Variants in TNPO2 observed in about 807,000 individuals in gnomAD.
TNPO2 encodes transportin-2.
In TNPO2, 16 loss-of-function variants were observed where a neutral mutation model predicts 111.1. That is an observed-to-expected ratio of 0.14 (90% CI 0.10 to 0.22). TNPO2 has a LOEUF of 0.22. Ranked by LOEUF, TNPO2 falls within the 10% of genes least tolerant of loss-of-function variation. TNPO2 has a pLI of 1.00. For missense variants in TNPO2, 530 were observed against 1,173.7 expected (o/e 0.45, Z 8.01); for synonymous variants, 481 against 475.8 (o/e 1.01, Z -0.14).
intron 12 of TNPO2, among the ~76,000 whole-genome samples, chr19:12,711,084 CG>C (rs2026013950): frequency 6.6e-6 from 1 of 152,050 alleles, no homozygotes; most frequent in Non-Finnish European, 1.5e-5. Flanking sequence ...TTAGTAGAGA[CG>C]GGGTTTCACT....
chr19:12,711,265 C>T (rs2026026539), intron 12 of TNPO2, 31 bp downstream of exon 12: 2 of 1,604,468 alleles, frequency 1.2e-6, no homozygotes, highest in East Asian at 2.2e-5. Context: ...GGCTTGCCAC[C>T]CCACCACCAC....
rs114635372 is a variant in TNPO2, at chr19:12,719,714, G to A, written c.100-378C>T. On this transcript the variant is annotated intron_variant, in intron 3 of 25. Transcript: ENST00000425528. The surrounding 1 kb of genome is among the most constrained non-coding windows in gnomAD (Gnocchi z 5.0). ...CTTGGGAGGCTGACGCAGGGGAATC[G>A]CTTGAACCCAGCAGGTGAAGGTTGC... 8.3e-3 allele frequency among the ~76,000 whole-genome samples: 1,256 copies of A among 151,948 alleles called. 20 individuals are homozygous for A. Among genetic ancestry groups the A allele is most frequent in the African/African-American group, 0.029 (1,181 of 41,416 alleles).
chr19:12,720,904 G>T lies in TNPO2; in HGVS notation c.74C>A (p.Thr25Lys). Reference sequence around the variant, plus strand: ...ATCCTGCACGATGCGCTGAGTGGCTGTGTTGGGCGACTGTGAGTCTTTGAG... The same window carrying T: ...ATCCTGCACGATGCGCTGAGTGGCTTTGTTGGGCGACTGTGAGTCTTTGAG... ...QLLKDSQSPN[T>K]ATQRIVQDKL... The change falls in exon 3 of 26, where the codon ACA becomes AAA. Residue 25 changes from threonine (T) to lysine (K), a missense_variant. Around this residue, in one of 4 missense-constraint regions of TNPO2, gnomAD observed 156 missense variants for 405.8 expected, o/e 0.38. Coordinates refer to ENST00000425528, the MANE Select transcript of TNPO2 (RefSeq NM_001382241.1). The T allele has an allele frequency of 6.2e-7, 1 of 1,605,086 alleles. No individual in the cohort carries two copies. Among genetic ancestry groups the T allele is most frequent in the East Asian group, 2.2e-5 (1 of 44,622 alleles).
At position 12,720,808 on chromosome 19, in the gene TNPO2, TTC is replaced by T; in HGVS notation, c.99+69_99+70del. 4 of 1,498,848 alleles carry T rather than the reference TTC, an allele frequency of 2.7e-6. 1 individual carries two copies. In the South Asian group the frequency reaches 3.7e-5, roughly 14 times the overall value. The allele number at this position is 1,498,848 out of a possible 1,614,324, so 92.8% of individuals were successfully genotyped here. ...GGACTAGGGGAGTCAGTCCCTCTCT[TTC>T]TCTCTCTGGCCTTTGGAAACTGCAC... is the stretch of plus-strand genomic sequence containing the variant. On this transcript the variant is annotated intron_variant, in intron 3 of 25. Coordinates refer to ENST00000425528, the MANE Select transcript of TNPO2 (RefSeq NM_001382241.1).
At chr19:12,720,558 C>T (rs114326896) in intron 3 of TNPO2, among the ~76,000 whole-genome samples, 4,578 of 152,208 alleles carry the variant, frequency 0.03, 221 homozygotes, top group African/African-American at 0.1. Flanking sequence ...TGGGCCCAAG[C>T]GATCTACCTG....
Position 12,721,506 on chromosome 19 carries a change from G to T in TNPO2, c.-13-516C>A. Reference sequence around the variant, plus strand: ...CAGATCCCAGAGGCCTCCTGCCCTAGTCCAATTTCTGAGCTTCCCCAGATG... The same window carrying T: ...CAGATCCCAGAGGCCTCCTGCCCTATTCCAATTTCTGAGCTTCCCCAGATG... On this transcript the variant is annotated intron_variant, in intron 2 of 25. Transcript: ENST00000425528. The surrounding 1 kb of genome is among the most constrained non-coding windows in gnomAD (Gnocchi z 4.9). 1 of 380,782 alleles carries T rather than the reference G, an allele frequency of 2.6e-6. No individual in the cohort carries two copies. Among genetic ancestry groups the T allele is most frequent in the Non-Finnish European group, 5.0e-6 (1 of 200,274 alleles). The allele number at this position is 380,782 out of a possible 1,614,324, so 23.6% of individuals were successfully genotyped here.
rs140453870 is a variant in TNPO2, at chr19:12,706,480, C to G, written c.1496+90G>C. The G allele has an allele frequency of 1.9e-6, 3 of 1,572,236 alleles. No homozygotes were observed. Among genetic ancestry groups the G allele is most frequent in the African/African-American group, 2.7e-5 (2 of 74,180 alleles). ...CAGCCAGTACGAATACGCGATAAAT[C>G]AGTTCCACATCAACAGTCACAGGTG... On this transcript the variant is annotated intron_variant, in intron 14 of 25. Coordinates refer to ENST00000425528, the MANE Select transcript of TNPO2 (RefSeq NM_001382241.1). The surrounding 1 kb of genome is among the most constrained non-coding windows in gnomAD (Gnocchi z 7.0).
chr19:12,720,802 C>A, intron 3 of TNPO2, 77 bp downstream of exon 3: 4 of 1,469,132 alleles, frequency 2.7e-6, no homozygotes, highest in South Asian at 2.6e-5. Context: ...GAGTCAGTCC[C>A]TCTCTTTCTC....
chr19:12,702,771 C>G lies in TNPO2; in HGVS notation c.2305+52G>C. The G allele has an allele frequency of 6.5e-7, 1 of 1,549,140 alleles. No homozygotes were observed. The highest frequency in any genetic ancestry group is 8.9e-7 in the Non-Finnish European group (1 of 1,122,432). The stretch of plus-strand genomic sequence containing the variant: ...TGATGCCCTTCCCAGCCCAGAACCC[C>G]ACCTCCAGAAGGCAGGCAGGGGTGC... On this transcript the variant is annotated intron_variant, in intron 21 of 25. Transcript: ENST00000425528. The surrounding 1 kb of genome is among the most constrained non-coding windows in gnomAD (Gnocchi z 5.5).
Position 12,715,576 on chromosome 19 carries a change from G to A in TNPO2, c.433-38C>T. Reference sequence around the variant, plus strand: ...GGGCAGAGAGACAAACGTGGGTGGTGGGTGGTGGTCCCAGCCCCCCAGTAC... The same window carrying A: ...GGGCAGAGAGACAAACGTGGGTGGTAGGTGGTGGTCCCAGCCCCCCAGTAC... On this transcript the variant is annotated intron_variant, in intron 6 of 25. Coordinates refer to ENST00000425528, the MANE Select transcript of TNPO2 (RefSeq NM_001382241.1). This position sits in a 1 kb window ranked among gnomAD's most constrained non-coding sequence, Gnocchi z 7.1. 2.5e-6 allele frequency: 4 copies of A among 1,613,604 alleles called. No homozygotes were observed. The highest frequency in any genetic ancestry group is 2.2e-5 in the South Asian group (2 of 91,070).
At chr19:12,720,287 G>C (rs1321757297) in intron 3 of TNPO2, among the ~76,000 whole-genome samples, 2 of 151,578 alleles carry the variant, frequency 1.3e-5, no homozygotes, top group African/African-American at 4.9e-5. Context: ...CCAAAGTGCT[G>C]GGATTGCAGG....
At chr19:12,723,656 C>T (rs750465716) in intron 1 of TNPO2, 113 bp downstream of exon 1, 1 of 152,208 alleles carries the variant, frequency 6.6e-6, no homozygotes, top group Non-Finnish European at 1.5e-5. Flanking sequence ...AATTCACCAG[C>T]TCTAATCCCA....
rs2025587502 is a variant in TNPO2 at position 12,705,421 on chromosome 19, G to A, written c.1864-23C>T. Reference sequence around the variant, plus strand: ...CATCTAGACACAGATGCCGACAGGGGCACGGGTAAGTGGAGCAGGCCCGAG... The same window carrying A: ...CATCTAGACACAGATGCCGACAGGGACACGGGTAAGTGGAGCAGGCCCGAG... On this transcript the variant is annotated intron_variant, in intron 17 of 25. Transcript: ENST00000425528. The surrounding 1 kb of genome is among the most constrained non-coding windows in gnomAD (Gnocchi z 7.2). 1.3e-6 allele frequency: 2 copies of A among 1,577,532 alleles called. No individual in the cohort carries two copies. The highest frequency in any genetic ancestry group is 2.3e-5 in the East Asian group (1 of 42,814).
At chr19:12,717,895 T>C (rs2026451426) in intron 5 of TNPO2, among the ~76,000 whole-genome samples, 1 of 152,140 alleles carries the variant, frequency 6.6e-6, no homozygotes, top group Non-Finnish European at 1.5e-5. Flanking sequence ...TAGGCCAGGC[T>C]AGTCTCCAAC....
chr19:12,714,692 A>C, intron 10 of TNPO2, 129 bp downstream of exon 10: 1 of 735,214 alleles, frequency 1.4e-6, no homozygotes, highest in Non-Finnish European at 2.3e-6. Flanking sequence ...ACTTACACAT[A>C]AATATATACT....
Position 12,701,193 on chromosome 19 carries a change from G to A in TNPO2, c.*71C>T, listed in dbSNP as rs2025274083. 2.8e-5 allele frequency: 17 copies of A among 615,894 alleles called. No homozygotes were observed. Among genetic ancestry groups the A allele is most frequent in the South Asian group, 1.7e-4 (8 of 48,472 alleles). The allele number at this position is 615,894 out of a possible 1,614,324, so 38.2% of individuals were successfully genotyped here. A position where few individuals can be genotyped will look rare whatever the true frequency, so the allele number is the denominator to read the frequency against. Reference sequence around the variant, plus strand: ...CCTCAACCAGGGCACAGCGACTTCCGGATGCAGCGCACTCCCCAGTAATCC... The same window carrying A: ...CCTCAACCAGGGCACAGCGACTTCCAGATGCAGCGCACTCCCCAGTAATCC... On this transcript the variant is annotated 3_prime_UTR_variant, in exon 26 of 26. Coordinates refer to ENST00000425528, the MANE Select transcript of TNPO2 (RefSeq NM_001382241.1). This position sits in a 1 kb window ranked among gnomAD's most constrained non-coding sequence, Gnocchi z 5.0.
At position 12,699,656 on chromosome 19, in the gene TNPO2, C is replaced by CT. The variant is rs773262218; in HGVS notation, c.*1607dup. 0.017 allele frequency: 2,322 copies of CT among 138,934 alleles called. 50 individuals are homozygous for CT. Among genetic ancestry groups the CT allele is most frequent in the African/African-American group, 0.053 (1,992 of 37,902 alleles). The allele number at this position is 138,934 out of a possible 1,614,324, so 8.6% of individuals were successfully genotyped here. ...AGAAAATTAAAAGGTATTTTTAAAA[C>CT]TTTTTTTTTTTTTTTTAACAAATGG... On this transcript the variant is annotated 3_prime_UTR_variant, in exon 26 of 26. Coordinates refer to ENST00000425528, the MANE Select transcript of TNPO2 (RefSeq NM_001382241.1).
Position 12,706,501 on chromosome 19 carries a change from AGGTGTCATCAC to A in TNPO2, c.1496+58_1496+68del, listed in dbSNP as rs763911670. The A allele has an allele frequency of 1.3e-6, 2 of 1,576,532 alleles. No homozygotes were observed. Among genetic ancestry groups the A allele is most frequent in the African/African-American group, 2.7e-5 (2 of 74,096 alleles). Reference sequence around the variant, plus strand: ...AAATCAGTTCCACATCAACAGTCACAGGTGTCATCACTTCCCAGAGGGTGGCCGGGGGAGAG... The same window carrying A: ...AAATCAGTTCCACATCAACAGTCACATTCCCAGAGGGTGGCCGGGGGAGAG... On this transcript the variant is annotated intron_variant, in intron 14 of 25. Coordinates refer to ENST00000425528, the MANE Select transcript of TNPO2 (RefSeq NM_001382241.1). The surrounding 1 kb of genome is among the most constrained non-coding windows in gnomAD (Gnocchi z 7.0).
rs1416807246 is a variant in TNPO2 at position 12,699,963 on chromosome 19, CAGTTTTCTGGCCAACTGGGAA to C, written c.*1280_*1300del. 2 of 152,258 alleles carry C rather than the reference CAGTTTTCTGGCCAACTGGGAA, an allele frequency of 1.3e-5. No homozygotes were observed. Among genetic ancestry groups the C allele is most frequent in the East Asian group, 3.8e-4 (2 of 5,200 alleles). The allele number at this position is 152,258 out of a possible 1,614,324, so 9.4% of individuals were successfully genotyped here. A position where few individuals can be genotyped will look rare whatever the true frequency, so the allele number is the denominator to read the frequency against. On this transcript the variant is annotated 3_prime_UTR_variant, in exon 26 of 26. Transcript: ENST00000425528. Reference sequence around the variant, plus strand: ...AAATGCTAAGGGGGTCTGCAAGGCCCAGTTTTCTGGCCAACTGGGAAGTAACTACACCCCCACCCTCTCTAG... The same window carrying C: ...AAATGCTAAGGGGGTCTGCAAGGCCCGTAACTACACCCCCACCCTCTCTAG...
Sources: gnomAD v4.1 joint callset for allele counts (sites outside exome capture counted in the v4.1 genomes callset) on GRCh38, gnomAD v4.1.1 for gene constraint, gnomAD v4.1.1 regional missense constraint, Gnocchi (gnomAD v3.1) non-coding constraint, MANE v1.5 for transcripts, NCBI Gene and HGNC (gene_info 2026-07-23, HGNC 2026-07-21) for gene names.